The following NELL1 variants were observed in gnomAD, a reference collection of about 807,000 sequenced individuals.
The protein encoded by NELL1 is protein kinase C-binding protein NELL1.
A neutral mutation model predicts 107.4 loss-of-function variants in NELL1; 76 were observed. That is an observed-to-expected ratio of 0.71 (90% CI 0.59 to 0.86). NELL1 has a LOEUF of 0.86. Ranked by LOEUF, NELL1 falls within the 40% of genes least tolerant of loss-of-function variation. The pLI is 0.00. For synonymous variants in NELL1, 353 were observed against 341.2 expected, an observed-to-expected ratio of 1.03 and a Z score of -0.38; for missense variants, 1,024 against 1,005.5, an observed-to-expected ratio of 1.02 and a Z score of -0.25.
At chr11:21,032,113 C>A (rs573207202) in intron 12 of NELL1, among the ~76,000 whole-genome samples, 2 of 150,778 alleles carry the variant, frequency 1.3e-5, no homozygotes, top group Admixed American at 1.3e-4. Context: ...TGAAAACAAT[C>A]CGTGTGGCTA....
intron 12 of NELL1, among the ~76,000 whole-genome samples, chr11:21,063,321 G>C (rs1011671310): frequency 1.3e-5 from 2 of 152,130 alleles, no homozygotes; most frequent in African/African-American, 4.8e-5. Flanking sequence ...GCTCTGCTGA[G>C]CTTCGGTGTC....
At chr11:21,379,427 C>A (rs951255619) in intron 15 of NELL1, among the ~76,000 whole-genome samples, 6 of 151,984 alleles carry the variant, frequency 3.9e-5, no homozygotes, top group African/African-American at 1.2e-4. Flanking sequence ...CTCACAGTAT[C>A]CAAGTGTTTT....
intron 14 of NELL1, among the ~76,000 whole-genome samples, chr11:21,311,232 T>C (rs1010893340): frequency 2.0e-5 from 3 of 152,160 alleles, no homozygotes; most frequent in South Asian, 4.1e-4. Flanking sequence ...AAACTAAATG[T>C]TATAAAATTA....
intron 2 of NELL1, among the ~76,000 whole-genome samples, chr11:20,757,345 T>TGATG (rs1856320362): frequency 1.3e-5 from 2 of 152,254 alleles, no homozygotes; most frequent in South Asian, 4.1e-4. Flanking sequence ...GAGAGACTTC[T>TGATG]CCTGGCTGCC....
intron 12 of NELL1, among the ~76,000 whole-genome samples, chr11:21,025,923 G>A (rs1049848218): frequency 6.6e-6 from 1 of 152,068 alleles, no homozygotes; most frequent in African/African-American, 2.4e-5. Flanking sequence ...TGAAACCTCT[G>A]GAGTCATTCT....
intron 14 of NELL1, among the ~76,000 whole-genome samples, chr11:21,339,053 A>C (rs907348513): frequency 6.6e-6 from 1 of 152,204 alleles, no homozygotes. Flanking sequence ...CCAGTTCTGA[A>C]GCCCTATTCT....
At chr11:21,515,499 A>G (rs1260199910) in intron 15 of NELL1, among the ~76,000 whole-genome samples, 1 of 152,182 alleles carries the variant, frequency 6.6e-6, no homozygotes, top group African/African-American at 2.4e-5. Context: ...ATATTATGTT[A>G]TAAAGAACAT....
chr11:20,893,627 AT>A (rs548131050), intron 5 of NELL1, among the ~76,000 whole-genome samples: 2,651 of 151,306 alleles, frequency 0.018, 67 homozygotes, highest in African/African-American at 0.06. Flanking sequence ...AGAAAAGGGG[AT>A]TTTTTTTAAG....
At chr11:21,133,347 T>G (rs1050915978) in intron 13 of NELL1, among the ~76,000 whole-genome samples, 1 of 152,176 alleles carries the variant, frequency 6.6e-6, no homozygotes, top group African/African-American at 2.4e-5. Flanking sequence ...TTGGCAGAAC[T>G]GACAGCCCAG....
Position 21,209,447 on chromosome 11 carries a change from A to G in NELL1, c.1427-19885A>G, listed in dbSNP as rs573149984. Among the ~76,000 whole-genome samples the G allele has an allele frequency of 4.0e-5, 6 of 151,684 alleles. No homozygotes were observed. In the East Asian group the frequency reaches 1.2e-3, roughly 29 times the overall value. Reference sequence around the variant, plus strand: ...TATACCTGGGATTTTTATCAAAATAACTACCATTTCTAACTCCCATTCTTG... The same window carrying G: ...TATACCTGGGATTTTTATCAAAATAGCTACCATTTCTAACTCCCATTCTTG... On this transcript the variant is annotated intron_variant, in intron 13 of 19. Coordinates refer to ENST00000357134, the MANE Select transcript of NELL1 (RefSeq NM_006157.5).
intron 13 of NELL1, among the ~76,000 whole-genome samples, chr11:21,153,818 G>T (rs1487007969): frequency 6.6e-6 from 1 of 152,114 alleles, no homozygotes; most frequent in East Asian, 1.9e-4. Context: ...ATCTAGGATT[G>T]TCTGACTTCC....
At chr11:21,203,627 T>A (rs1857322866) in intron 13 of NELL1, among the ~76,000 whole-genome samples, 1 of 152,172 alleles carries the variant, frequency 6.6e-6, no homozygotes, top group Non-Finnish European at 1.5e-5. Flanking sequence ...AGGATAATAC[T>A]GTTATGTGTG....
intron 12 of NELL1, among the ~76,000 whole-genome samples, chr11:21,100,026 T>A (rs1327811184): frequency 6.6e-6 from 1 of 152,146 alleles, no homozygotes; most frequent in African/African-American, 2.4e-5. Context: ...TAGCCCTTTT[T>A]TTTTTTGAGA....
intron 3 of NELL1, among the ~76,000 whole-genome samples, chr11:20,822,218 C>A (rs565290311): frequency 6.6e-6 from 1 of 152,122 alleles, no homozygotes; most frequent in African/African-American, 2.4e-5. Flanking sequence ...CCAGGAGACA[C>A]GCAGAAGTTG....
At chr11:20,756,362 G>T (rs1856286629) in intron 2 of NELL1, among the ~76,000 whole-genome samples, 1 of 151,226 alleles carries the variant, frequency 6.6e-6, no homozygotes, top group Admixed American at 6.6e-5. Context: ...TTTTTGAGAT[G>T]GAGTCTCACT....
At chr11:20,911,023 G>A (rs1850119206) in intron 5 of NELL1, among the ~76,000 whole-genome samples, 1 of 152,158 alleles carries the variant, frequency 6.6e-6, no homozygotes, top group African/African-American at 2.4e-5. Flanking sequence ...TAGAAATGAA[G>A]GCACTCTTCC....
intron 2 of NELL1, among the ~76,000 whole-genome samples, chr11:20,721,181 GTATATA>G (rs137948986): frequency 7.9e-6 from 1 of 125,850 alleles, no homozygotes; most frequent in African/African-American, 3.6e-5. Flanking sequence ...TATATTTTGT[GTATATA>G]TATATATATA....
At chr11:21,154,384 A>G (rs1305274610) in intron 13 of NELL1, among the ~76,000 whole-genome samples, 1 of 152,172 alleles carries the variant, frequency 6.6e-6, no homozygotes, top group African/African-American at 2.4e-5. Flanking sequence ...GGAAATCTAT[A>G]TATGCAACTA....
chr11:21,116,650 T>G (rs938747636), intron 13 of NELL1, among the ~76,000 whole-genome samples: 2 of 151,946 alleles, frequency 1.3e-5, no homozygotes, highest in African/African-American at 4.8e-5. Flanking sequence ...TAGAGATAAC[T>G]CCTTCCTCTC....
Sources: gnomAD v4.1 joint callset for allele counts (sites outside exome capture counted in the v4.1 genomes callset) on GRCh38, gnomAD v4.1.1 for gene constraint, MANE v1.5 for transcripts, NCBI Gene and HGNC (gene_info 2026-07-23, HGNC 2026-07-21) for gene names.